CACNA1A: variants seen among roughly 807,000 people sequenced by gnomAD.
The protein encoded by CACNA1A is voltage-dependent P/Q-type calcium channel subunit alpha-1A.
A neutral mutation model predicts 262.4 loss-of-function variants in CACNA1A; 57 were observed. The ratio of observed to expected loss-of-function variants is 0.22; its 90% confidence interval spans 0.18 to 0.27. The LOEUF is 0.27. CACNA1A is among the 10% of genes least tolerant of loss of function. The probability of loss-of-function intolerance (pLI) is 1.00; values close to 1 mark genes in which losing one functional copy is unlikely to be tolerated. For missense variants in CACNA1A, 2,526 were observed against 3,562.8 expected (o/e 0.71, Z 7.41); for synonymous variants, 1,431 against 1,419.3 (o/e 1.01, Z -0.18).
At chr19:13,259,543 A>T in intron 27 of CACNA1A, 21 bp downstream of exon 27, 1 of 1,590,390 alleles carries the variant, frequency 6.3e-7, no homozygotes, top group South Asian at 1.1e-5. Context: ...TCCTGGATAG[A>T]TTTCCAGTCG....
chr19:13,464,518 C>A (rs1299250532), intron 1 of CACNA1A, among the ~76,000 whole-genome samples: 5 of 148,780 alleles, frequency 3.4e-5, no homozygotes, highest in Non-Finnish European at 7.4e-5. Context: ...ATGACAATTG[C>A]TGCTAATAGT....
intron 34 of CACNA1A, among the ~76,000 whole-genome samples, chr19:13,232,376 T>C (rs904984235): frequency 6.6e-6 from 1 of 150,624 alleles, no homozygotes; most frequent in African/African-American, 2.4e-5. Context: ...TTTTAAACTA[T>C]TTTTTTTTGT....
chr19:13,338,115 T>C (rs906991430), intron 6 of CACNA1A, among the ~76,000 whole-genome samples: 1 of 151,928 alleles, frequency 6.6e-6, no homozygotes, highest in African/African-American at 2.4e-5. Context: ...CCTGGGAGGC[T>C]GAGGCAGGAG....
chr19:13,386,055 G>A (rs1438638681), intron 3 of CACNA1A, among the ~76,000 whole-genome samples: 2 of 152,020 alleles, frequency 1.3e-5, no homozygotes, highest in Non-Finnish European at 2.9e-5. Context: ...TGAGGCTAAG[G>A]TGGGCGGATC....
At chr19:13,303,665 C>A (rs370147885) in intron 16 of CACNA1A, 52 bp from the exon 17 acceptor site, 2 of 1,586,342 alleles carry the variant, frequency 1.3e-6, no homozygotes, top group Non-Finnish European at 1.7e-6. Context: ...ACCACTTGGG[C>A]CCTGGGTATC....
chr19:13,496,955 A>G (rs540245359), intron 1 of CACNA1A, among the ~76,000 whole-genome samples: 3 of 152,306 alleles, frequency 2.0e-5, no homozygotes, highest in African/African-American at 7.2e-5. Flanking sequence ...ACAGACTGGG[A>G]AACTGAAGCA....
rs1401413921 is a variant in CACNA1A at position 13,317,249 on chromosome 19, C to T, written c.1418G>A (p.Arg473Lys). 7 of 1,613,342 alleles carry T rather than the reference C, an allele frequency of 4.3e-6. No individual in the cohort carries two copies. The highest frequency in any genetic ancestry group is 5.9e-6 in the Non-Finnish European group (7 of 1,179,404). The change falls in exon 11 of 47, where the codon AGG (arginine) becomes AAG (lysine). Residue 473 changes from arginine (R) to lysine (K), a missense_variant. Physicochemically the swap from Arg to Lys is conservative, Grantham distance 26 (BLOSUM62 2). Coordinates refer to ENST00000360228, the MANE Select transcript of CACNA1A (RefSeq NM_001127222.2). ...GCGGCGGATGTAGAAACGCATCCTC[C>T]TCTCCTTTTTGTGAAAAAAGGTCGA... ...ENSTFFHKKE[R>K]RMRFYIRRMV...
At chr19:13,385,732 A>G (rs904164115) in intron 3 of CACNA1A, among the ~76,000 whole-genome samples, 6 of 152,192 alleles carry the variant, frequency 3.9e-5, no homozygotes, top group African/African-American at 4.8e-5. Flanking sequence ...CATCTCCAGC[A>G]CCTAAAGCTG....
chr19:13,249,820 T>TGAACCCA (rs56411601), intron 30 of CACNA1A, among the ~76,000 whole-genome samples: 2 of 151,164 alleles, frequency 1.3e-5, no homozygotes, highest in Admixed American at 1.3e-4. Flanking sequence ...AGGCAAGATC[T>TGAACCCA]GAACTCTGGT....
intron 1 of CACNA1A, among the ~76,000 whole-genome samples, chr19:13,495,985 C>T (rs374718215): frequency 1.3e-5 from 2 of 152,106 alleles, no homozygotes. Flanking sequence ...ATCACCCATC[C>T]TTCCTTCCTT....
intron 28 of CACNA1A, 56 bp from the exon 29 acceptor site, chr19:13,255,315 C>T (rs1372420921): frequency 5.4e-6 from 8 of 1,484,188 alleles, no homozygotes; most frequent in Non-Finnish European, 7.3e-6. Flanking sequence ...GGTGGCTGTA[C>T]ACCGGGCACC....
rs751518122 is a variant in CACNA1A at position 13,275,856 on chromosome 19, G to A, written c.3983C>T (p.Ala1328Val). 1.2e-6 allele frequency: 2 copies of A among 1,611,126 alleles called. No homozygotes were observed. The highest frequency in any genetic ancestry group is 2.2e-5 in the South Asian group (2 of 90,986). ...CCCTTGCGAGGAGACTTACGTGAAG[G>A]CAAAGGCTACCAGGGCCCCACTGAC... ...IVVSGALVAF[A>V]FTGNSKGKDI... The change falls in exon 24 of 47, where the codon GCC becomes GTC. Residue 1328 changes from alanine (A) to valine (V), a missense_variant. This residue lies in a region of CACNA1A where 137 missense variants were observed against 377.7 expected (regional missense o/e 0.36). Transcript: ENST00000360228.
At chr19:13,315,147 A>C (rs2058101323) in intron 11 of CACNA1A, 1 of 152,096 alleles carries the variant, frequency 6.6e-6, no homozygotes, top group South Asian at 2.1e-4. Flanking sequence ...ACTGATGCCA[A>C]GATATACATT....
chr19:13,331,537 C>T (rs1000485670), intron 9 of CACNA1A, among the ~76,000 whole-genome samples: 4 of 151,946 alleles, frequency 2.6e-5, no homozygotes, highest in Non-Finnish European at 5.9e-5. Context: ...ACGCCCAGCC[C>T]CTGTCTAACC....
chr19:13,256,489 T>A (rs1240156022), intron 28 of CACNA1A: 1 of 152,056 alleles, frequency 6.6e-6, no homozygotes, highest in East Asian at 1.9e-4. Context: ...GGACTGGATT[T>A]TCTTTCCTTT....
chr19:13,206,452 CTTTTT>C lies in CACNA1A; in HGVS notation c.*856_*860del, dbSNP rs554950194. 4 of 151,932 alleles carry C rather than the reference CTTTTT, an allele frequency of 2.6e-5. No individual in the cohort carries two copies. The highest frequency in any genetic ancestry group is 2.6e-4 in the Admixed American group (4 of 15,200). 9.4% of individuals were successfully genotyped at this position (151,932 alleles called of 1,614,324 possible). On this transcript the variant is annotated 3_prime_UTR_variant, in exon 47 of 47. Coordinates refer to ENST00000360228, the MANE Select transcript of CACNA1A (RefSeq NM_001127222.2). ...CCTATCCAAAAGCCCTTTGATTCAA[CTTTTT>C]TTTATTTTTTTTTTCTTTTTGAATG...
At chr19:13,227,615 G>A in intron 36 of CACNA1A, 88 bp from the exon 37 acceptor site, 1 of 536,196 alleles carries the variant, frequency 1.9e-6, no homozygotes, top group Non-Finnish European at 3.1e-6. Flanking sequence ...AGAGAGGTGG[G>A]GAGAAACAGA....
At position 13,497,548 on chromosome 19, in the gene CACNA1A, ATATATATATATATATATATATATATATAT is replaced by A. The variant is rs1459505361; in HGVS notation, c.293+8355_293+8383del. 9.4e-5 allele frequency among the ~76,000 whole-genome samples: 5 copies of A among 52,944 alleles called. 1 individual carries two copies. Among genetic ancestry groups the A allele is most frequent in the African/African-American group, 3.1e-4 (4 of 12,836 alleles). 34.7% of individuals were successfully genotyped at this position (52,944 alleles called of 152,430 possible). Reference sequence around the variant, plus strand: ...TATATATATATATATATATATATATATATATATATATATATATATATATATATATATAAATTTATGTTGTTAAAGCTGGG... The same window carrying A: ...TATATATATATATATATATATATATAATAAATTTATGTTGTTAAAGCTGGG... On this transcript the variant is annotated intron_variant, in intron 1 of 46. Coordinates refer to ENST00000360228, the MANE Select transcript of CACNA1A (RefSeq NM_001127222.2).
chr19:13,410,147 GA>G (rs2060083919), intron 3 of CACNA1A, among the ~76,000 whole-genome samples: 2 of 151,870 alleles, frequency 1.3e-5, no homozygotes, highest in African/African-American at 4.8e-5. Context: ...ATGTCCTCCT[GA>G]CACTCTTCTT....
Sources: allele counts gnomAD v4.1 joint callset (sites outside exome capture counted in the v4.1 genomes callset), GRCh38; gene constraint gnomAD v4.1.1; regional missense constraint gnomAD v4.1.1; transcripts MANE v1.5; gene names NCBI Gene and HGNC (gene_info 2026-07-23, HGNC 2026-07-21).